NDST3: variants seen among roughly 807,000 people sequenced by gnomAD.
The protein encoded by NDST3 is N-deacetylase and N-sulfotransferase 3, also known as bifunctional heparan sulfate N-deacetylase/N-sulfotransferase 3.
NDST3 carries 58 observed loss-of-function variants against 96.1 expected under a neutral mutation model. The ratio of observed to expected loss-of-function variants is 0.60; its 90% CI spans 0.49 to 0.75. NDST3 has a LOEUF of 0.75. NDST3 is among the 30% of genes least tolerant of loss of function. The pLI, the probability that NDST3 is intolerant of heterozygous loss-of-function variation, is 0.00. For missense variants in NDST3, 788 were observed against 1,034.2 expected (o/e 0.76, Z 3.27); for synonymous variants, 333 against 359.7 (o/e 0.93, Z 0.84).
intron 6 of NDST3, among the ~76,000 whole-genome samples, chr4:118,219,543 G>A (rs748023267): frequency 1.3e-5 from 2 of 151,788 alleles, no homozygotes; most frequent in Admixed American, 6.6e-5. Flanking sequence ...ACTAAAGATC[G>A]ATTAAAGACT....
chr4:118,054,028 G>A lies in NDST3; in HGVS notation c.118G>A (p.Glu40Lys), dbSNP rs1725250836. The A allele has an allele frequency of 6.2e-7, 1 of 1,612,898 alleles. No homozygotes were observed. Among genetic ancestry groups the A allele is most frequent in the Admixed American group, 1.7e-5 (1 of 59,876 alleles). Residue 40 changes from glutamate to lysine, a missense_variant, in exon 2 of 14, where the codon GAA becomes AAA. By Grantham distance (56) the Glu-to-Lys change is moderately conservative (BLOSUM62 1). Transcript: ENST00000296499. ...AYYLYSGYKQ[E>K]NELSETASEV... The stretch of plus-strand genomic sequence containing the variant: ...CTACCTGTACAGTGGCTACAAACAG[G>A]AAAATGAACTCTCTGAGACGGCTTC...
chr4:118,152,357 A>C (rs1163571475), intron 6 of NDST3, among the ~76,000 whole-genome samples: 2 of 152,178 alleles, frequency 1.3e-5, no homozygotes, highest in African/African-American at 4.8e-5. Context: ...TACTTCAAGT[A>C]ATGTGGGACT....
intron 1 of NDST3, among the ~76,000 whole-genome samples, chr4:118,037,745 T>C (rs889776429): frequency 6.6e-6 from 1 of 152,216 alleles, no homozygotes; most frequent in Non-Finnish European, 1.5e-5. Flanking sequence ...ATATACAGTC[T>C]AGTTCAGGTG....
chr4:118,183,942 C>T (rs981658448), intron 6 of NDST3, among the ~76,000 whole-genome samples: 2 of 152,154 alleles, frequency 1.3e-5, no homozygotes, highest in African/African-American at 4.8e-5. Flanking sequence ...CACAGATGTA[C>T]CACGGGGCAC....
intron 6 of NDST3, among the ~76,000 whole-genome samples, chr4:118,213,206 C>A (rs1441650830): frequency 6.6e-6 from 1 of 152,128 alleles, no homozygotes; most frequent in African/African-American, 2.4e-5. Context: ...TCTCACAGCT[C>A]GAACATAAAT....
At chr4:118,081,448 A>G (rs1728004899) in intron 2 of NDST3, among the ~76,000 whole-genome samples, 1 of 152,212 alleles carries the variant, frequency 6.6e-6, no homozygotes, top group African/African-American at 2.4e-5. Flanking sequence ...TGTTGATACA[A>G]AAGTACATTG....
rs976402207 is a variant in NDST3 at position 118,054,551 on chromosome 4, C to A, written c.641C>A (p.Ser214Tyr). The A allele has an allele frequency of 6.2e-7, 1 of 1,613,350 alleles. No individual in the cohort carries two copies. The highest frequency in any genetic ancestry group is 2.2e-5 in the East Asian group (1 of 44,842). Residue 214 changes from serine to tyrosine, a missense_variant, in exon 2 of 14, where the codon TCT becomes TAT. By Grantham distance (144) the Ser-to-Tyr change is moderately radical. Around this residue, in one of 3 missense-constraint regions of NDST3, gnomAD observed 234 missense variants for 256.9 expected, o/e 0.91. Coordinates refer to ENST00000296499, the MANE Select transcript of NDST3 (RefSeq NM_004784.3). ...VTKSSKLEKGSLPGTDWTVFQ... is the reference protein window; with the variant it reads ...VTKSSKLEKGYLPGTDWTVFQ... ...AAATCTTCCAAGCTTGAAAAAGGTTCTTTACCTGGAACTGACTGGACAGTT... is the reference window on the plus strand; with the variant it reads ...AAATCTTCCAAGCTTGAAAAAGGTTATTTACCTGGAACTGACTGGACAGTT...
intron 2 of NDST3, among the ~76,000 whole-genome samples, chr4:118,062,337 G>C: frequency 6.6e-6 from 1 of 152,052 alleles, no homozygotes; most frequent in East Asian, 1.9e-4. Context: ...TGGGAAGATT[G>C]GTCCTCCCTG....
chr4:118,192,154 T>C (rs560174466), intron 6 of NDST3, among the ~76,000 whole-genome samples: 1 of 152,350 alleles, frequency 6.6e-6, no homozygotes, highest in African/African-American at 2.4e-5. Flanking sequence ...CCTACAGTGC[T>C]GTTTGAGCTA....
intron 3 of NDST3, among the ~76,000 whole-genome samples, chr4:118,109,175 A>C (rs537329670): frequency 8.5e-5 from 13 of 152,282 alleles, no homozygotes; most frequent in African/African-American, 3.1e-4. Flanking sequence ...ACCTCTTCCT[A>C]AACTTCTGAG....
At chr4:118,153,682 G>C (rs1263110841) in intron 6 of NDST3, among the ~76,000 whole-genome samples, 1 of 152,064 alleles carries the variant, frequency 6.6e-6, no homozygotes, top group East Asian at 1.9e-4. Flanking sequence ...AAATTAGCCG[G>C]GCGTGGTGGT....
In NDST3 at chr4:118,226,905, G is replaced by A. The variant is rs1739918552; in HGVS notation, c.1742G>A (p.Arg581His). The A allele has an allele frequency of 3.7e-6, 6 of 1,611,666 alleles. No homozygotes were observed. The highest frequency in any genetic ancestry group is 5.1e-6 in the Non-Finnish European group (6 of 1,179,150). Residue 581 changes from arginine (R) to histidine (H), a missense_variant, in exon 8 of 14, where the codon CGC becomes CAC. Arg to His is a conservative substitution (Grantham distance 29, BLOSUM62 0). This residue lies in a region of NDST3 where 490 missense variants were observed against 708.8 expected (regional missense o/e 0.69). Transcript: ENST00000296499. ...PLWQNPCDDK[R>H]HRDIWSKEKT... ...ATTTAGAATCCTTGCGATGACAAACGCCACAGAGACATTTGGTCTAAAGAA... is the reference window on the plus strand; with the variant it reads ...ATTTAGAATCCTTGCGATGACAAACACCACAGAGACATTTGGTCTAAAGAA...
At chr4:118,182,200 C>T (rs1296847101) in intron 6 of NDST3, among the ~76,000 whole-genome samples, 1 of 152,164 alleles carries the variant, frequency 6.6e-6, no homozygotes, top group African/African-American at 2.4e-5. Context: ...CAATAAAATG[C>T]ATGCCCTGAC....
chr4:118,240,776 T>C (rs961045883), intron 11 of NDST3, 82 bp downstream of exon 11: 1 of 1,312,604 alleles, frequency 7.6e-7, no homozygotes, highest in Non-Finnish European at 1.0e-6. Context: ...AATTTTCAAT[T>C]GTTAAACTAT....
intron 6 of NDST3, among the ~76,000 whole-genome samples, chr4:118,153,730 A>G (rs1393199465): frequency 6.6e-6 from 1 of 152,154 alleles, no homozygotes; most frequent in Non-Finnish European, 1.5e-5. Flanking sequence ...AGGCTGAGGC[A>G]GGAGAATTGC....
At chr4:118,247,628 C>G (rs1356936194) in intron 12 of NDST3, among the ~76,000 whole-genome samples, 1 of 152,006 alleles carries the variant, frequency 6.6e-6, no homozygotes, top group South Asian at 2.1e-4. Context: ...CTGCAATGGG[C>G]TGCAAAAATA....
At chr4:118,164,902 A>G (rs1735442933) in intron 6 of NDST3, among the ~76,000 whole-genome samples, 1 of 152,122 alleles carries the variant, frequency 6.6e-6, no homozygotes, top group Admixed American at 6.6e-5. Context: ...TGTAAGCCCC[A>G]CAGTACCACA....
intron 2 of NDST3, among the ~76,000 whole-genome samples, chr4:118,070,416 G>A (rs1247764074): frequency 6.6e-6 from 1 of 151,966 alleles, no homozygotes; most frequent in Admixed American, 6.6e-5. Flanking sequence ...CCTGACTTCT[G>A]GTGAGGCAGA....
At chr4:118,200,327 C>A (rs10007918) in intron 6 of NDST3, among the ~76,000 whole-genome samples, 6 of 152,166 alleles carry the variant, frequency 3.9e-5, no homozygotes, top group African/African-American at 1.4e-4. Context: ...CTCATGGCCA[C>A]GGCCACCTCA....
Sources: allele counts gnomAD v4.1 joint callset (sites outside exome capture counted in the v4.1 genomes callset), GRCh38; gene constraint gnomAD v4.1.1; regional missense constraint gnomAD v4.1.1; transcripts MANE v1.5; gene names NCBI Gene and HGNC (gene_info 2026-07-23, HGNC 2026-07-21).